PPP1CB: variants seen among roughly 807,000 people sequenced by gnomAD.
PPP1CB encodes the protein protein phosphatase 1 catalytic subunit beta, also known as serine/threonine-protein phosphatase PP1-beta catalytic subunit.
PPP1CB carries 2 observed loss-of-function variants against 43.7 expected under a neutral mutation model. The ratio of observed to expected loss-of-function variants is 0.05; its 90% CI spans 0.02 to 0.14. PPP1CB has a LOEUF of 0.14. PPP1CB is among the 10% of genes least tolerant of loss of function. PPP1CB has a pLI of 1.00. For missense variants in PPP1CB, 84 were observed against 398.0 expected (o/e 0.21, Z 6.71); for synonymous variants, 136 against 135.6 (o/e 1.00, Z -0.02).
At chr2:28,753,069 A>C (rs1462495765) in intron 1 of PPP1CB, among the ~76,000 whole-genome samples, 1 of 152,214 alleles carries the variant, frequency 6.6e-6, no homozygotes, top group Non-Finnish European at 1.5e-5. Flanking sequence ...CCGGGAGTTA[A>C]ATGTATTGAT....
chr2:28,770,990 G>C (rs939885863), intron 1 of PPP1CB, among the ~76,000 whole-genome samples: 3 of 147,014 alleles, frequency 2.0e-5, no homozygotes, highest in Non-Finnish European at 3.0e-5. Flanking sequence ...TGGAAGACTT[G>C]AAATTGTGAA....
intron 1 of PPP1CB, among the ~76,000 whole-genome samples, chr2:28,776,459 C>A (rs1667046332): frequency 6.6e-6 from 1 of 151,962 alleles, no homozygotes; most frequent in African/African-American, 2.4e-5. Context: ...GGGGTTTCTC[C>A]ATGTTGATCA....
chr2:28,775,061 A>G (rs1190955386), intron 1 of PPP1CB, among the ~76,000 whole-genome samples: 1 of 150,872 alleles, frequency 6.6e-6, no homozygotes, highest in Non-Finnish European at 1.5e-5. Flanking sequence ...AAAGCCTCTT[A>G]TTGACCTGAC....
intron 7 of PPP1CB, among the ~76,000 whole-genome samples, chr2:28,796,219 T>C (rs927822292): frequency 1.3e-5 from 2 of 152,150 alleles, no homozygotes; most frequent in African/African-American, 2.4e-5. Context: ...TGAAGTTTGG[T>C]AGTGTGACGC....
chr2:28,756,320 T>C, intron 1 of PPP1CB, among the ~76,000 whole-genome samples: 1 of 152,248 alleles, frequency 6.6e-6, no homozygotes, highest in Non-Finnish European at 1.5e-5. Context: ...ACTTACAGTT[T>C]TATGAAAATC....
At chr2:28,776,506 C>T (rs1164161455) in intron 1 of PPP1CB, among the ~76,000 whole-genome samples, 1 of 152,008 alleles carries the variant, frequency 6.6e-6, no homozygotes, top group Non-Finnish European at 1.5e-5. Flanking sequence ...GTGATCCACC[C>T]ACCTCAACCT....
At chr2:28,773,573 C>T (rs1183046594) in intron 1 of PPP1CB, among the ~76,000 whole-genome samples, 1 of 152,194 alleles carries the variant, frequency 6.6e-6, no homozygotes, top group Non-Finnish European at 1.5e-5. Context: ...TTTTTATAAT[C>T]CAGCAGCGTT....
At chr2:28,775,966 T>A (rs1471516819) in intron 1 of PPP1CB, among the ~76,000 whole-genome samples, 1 of 152,168 alleles carries the variant, frequency 6.6e-6, no homozygotes. Flanking sequence ...AATGTAACGA[T>A]AAGTTAATTT....
intron 1 of PPP1CB, among the ~76,000 whole-genome samples, chr2:28,766,964 C>G (rs1218196334): frequency 6.6e-6 from 1 of 151,918 alleles, no homozygotes; most frequent in Non-Finnish European, 1.5e-5. Context: ...ACCTGTGGTC[C>G]CAGCTACTTG....
At chr2:28,793,062 C>T (rs577804782) in intron 6 of PPP1CB, among the ~76,000 whole-genome samples, 167 of 152,138 alleles carry the variant, frequency 1.1e-3, no homozygotes, top group African/African-American at 4.0e-3. Flanking sequence ...AAAAATTCAT[C>T]GGGCTTGCTG....
intron 1 of PPP1CB, among the ~76,000 whole-genome samples, chr2:28,760,546 CA>C (rs2148457054): frequency 6.6e-6 from 1 of 152,284 alleles, no homozygotes; most frequent in East Asian, 1.9e-4. Context: ...GATGTTTGCA[CA>C]ACAACAAAAT....
At chr2:28,769,296 G>A (rs1436317696) in intron 1 of PPP1CB, among the ~76,000 whole-genome samples, 3 of 152,172 alleles carry the variant, frequency 2.0e-5, no homozygotes, top group South Asian at 4.1e-4. Flanking sequence ...GAGTGCAATG[G>A]CGTGATCTTG....
In PPP1CB at chr2:28,788,775, G is replaced by A; in HGVS notation, c.710G>A (p.Arg237His). 1 of 1,612,068 alleles carries A rather than the reference G, an allele frequency of 6.2e-7. No individual in the cohort carries two copies. Among genetic ancestry groups the A allele is most frequent in the Non-Finnish European group, 8.5e-7 (1 of 1,179,508 alleles). Residue 237 changes from arginine to histidine, a missense_variant, in exon 6 of 8, where the codon CGT becomes CAT. Arg to His is a conservative substitution (Grantham distance 29, BLOSUM62 0). This residue lies in a region of PPP1CB where 11 missense variants were observed against 17.3 expected (regional missense o/e 0.64). Coordinates refer to ENST00000395366, the MANE Select transcript of PPP1CB (RefSeq NM_002709.3). Reference sequence around the variant, plus strand: ...GATGTAGTCAGTAAATTTCTGAATCGTCATGATTTAGATTTGATTTGTCGA... The same window carrying A: ...GATGTAGTCAGTAAATTTCTGAATCATCATGATTTAGATTTGATTTGTCGA... ...GADVVSKFLN[R>H]HDLDLICRAH...
At chr2:28,777,102 A>G (rs1667058763) in intron 2 of PPP1CB, 120 bp downstream of exon 2, 2 of 1,036,902 alleles carry the variant, frequency 1.9e-6, no homozygotes, top group Non-Finnish European at 1.4e-6. Flanking sequence ...AGGCTTTACT[A>G]AATAAAAGTG....
At chr2:28,783,461 T>A (rs956962952) in intron 4 of PPP1CB, among the ~76,000 whole-genome samples, 1 of 152,130 alleles carries the variant, frequency 6.6e-6, no homozygotes, top group Non-Finnish European at 1.5e-5. Flanking sequence ...TGTTGCCCTT[T>A]AAGACATTAA....
chr2:28,773,904 G>A (rs553351965), intron 1 of PPP1CB, among the ~76,000 whole-genome samples: 1 of 151,658 alleles, frequency 6.6e-6, no homozygotes, highest in South Asian at 2.1e-4. Flanking sequence ...GTGCCACTAA[G>A]TTGGTGGGGG....
intron 1 of PPP1CB, among the ~76,000 whole-genome samples, chr2:28,760,598 A>T (rs911690134): frequency 6.6e-6 from 1 of 152,194 alleles, no homozygotes; most frequent in African/African-American, 2.4e-5. Flanking sequence ...CCTTTGGTAA[A>T]TGATGCATAA....
chr2:28,799,364 G>A lies in PPP1CB; in HGVS notation c.*61G>A. 7.4e-7 allele frequency: 1 copy of A among 1,346,016 alleles called. No homozygotes were observed. Among genetic ancestry groups the A allele is most frequent in the Non-Finnish European group, 1.1e-6 (1 of 945,666 alleles). The allele number at this position is 1,346,016 out of a possible 1,614,324, so 83.4% of individuals were successfully genotyped here. On this transcript the variant is annotated 3_prime_UTR_variant, in exon 8 of 8. Transcript: ENST00000395366. ...TAAGGACATACTTCATAATATATAAGTGTGCACTGTAAAACCATCCAGCCA... is the reference window on the plus strand; with the variant it reads ...TAAGGACATACTTCATAATATATAAATGTGCACTGTAAAACCATCCAGCCA...
intron 7 of PPP1CB, among the ~76,000 whole-genome samples, chr2:28,795,583 A>G (rs922078938): frequency 6.6e-6 from 1 of 151,960 alleles, no homozygotes; most frequent in Non-Finnish European, 1.5e-5. Context: ...TTTTTCATAT[A>G]TTTGTTGGCT....
Sources: allele counts gnomAD v4.1 joint callset (sites outside exome capture counted in the v4.1 genomes callset), GRCh38; gene constraint gnomAD v4.1.1; regional missense constraint gnomAD v4.1.1; transcripts MANE v1.5; gene names NCBI Gene and HGNC (gene_info 2026-07-23, HGNC 2026-07-21).